The following HNF1A variants were observed in gnomAD, a reference collection of about 807,000 sequenced individuals.
HNF1A encodes hepatocyte nuclear factor 1-alpha.
A neutral mutation model predicts 62.2 loss-of-function variants in HNF1A; 21 were observed. The observed-to-expected ratio is 0.34, with a 90% CI of 0.24 to 0.49. HNF1A has a LOEUF of 0.49. Among genes scored for constraint, HNF1A ranks in the 20% least tolerant of loss-of-function variants. The pLI, the probability that HNF1A is intolerant of heterozygous loss-of-function variation, is 0.99. For synonymous variants in HNF1A, 374 were observed against 366.8 expected, an observed-to-expected ratio of 1.02 and a Z score of -0.22; for missense variants, 687 against 832.3, an observed-to-expected ratio of 0.83 and a Z score of 2.15.
chr12:120,987,430 G>A (rs1469300779), intron 1 of HNF1A, among the ~76,000 whole-genome samples: 3 of 146,916 alleles, frequency 2.0e-5, no homozygotes, highest in East Asian at 2.0e-4. Context: ...AGCCGAGATC[G>A]CGCCACTGCA....
intron 2 of HNF1A, among the ~76,000 whole-genome samples, chr12:120,992,456 G>A (rs944929200): frequency 1.3e-5 from 2 of 152,012 alleles, no homozygotes; most frequent in Non-Finnish European, 1.5e-5. Flanking sequence ...TTGAACTTCC[G>A]GGCTCAAGTG....
Position 120,993,501 on chromosome 12 carries a change from C to A in HNF1A, c.527-19C>A. The A allele has an allele frequency of 2.5e-6, 4 of 1,613,252 alleles. No homozygotes were observed. Among genetic ancestry groups the A allele is most frequent in the Non-Finnish European group, 3.4e-6 (4 of 1,179,724 alleles). On this transcript the variant is annotated intron_variant, in intron 2 of 9. Transcript: ENST00000257555. ...GTGAGAGTGGCCAGTACCCCACTCA[C>A]GGCTTTCTGTGCCTGCAGAGTTCAC...
intron 1 of HNF1A, among the ~76,000 whole-genome samples, chr12:120,981,469 G>C (rs1013095104): frequency 5.9e-5 from 9 of 152,126 alleles, no homozygotes; most frequent in African/African-American, 2.2e-4. Context: ...CCCTGCCTTG[G>C]TTTCGTTCCC....
intron 2 of HNF1A, among the ~76,000 whole-genome samples, 156 bp downstream of exon 2, chr12:120,989,188 C>T (rs533787226): frequency 2.6e-5 from 4 of 152,318 alleles, no homozygotes; most frequent in East Asian, 3.9e-4. Context: ...ACCTATTCTG[C>T]GCCAGGCACT....
chr12:121,002,016 C>T lies in HNF1A; in HGVS notation c.*824C>T, dbSNP rs1380966082. ...TTACTCCTGTGGGAGCCTCGCAACC[C>T]GTGCCAAGTCCAGGTCCTGGTGGGG... On this transcript the variant is annotated 3_prime_UTR_variant, in exon 10 of 10. Transcript: ENST00000257555. 4.3e-5 allele frequency: 23 copies of T among 536,702 alleles called. 1 individual carries two copies. Among genetic ancestry groups the T allele is most frequent in the South Asian group, 3.1e-4 (20 of 65,256 alleles). The allele number at this position is 536,702 out of a possible 1,614,324, so 33.2% of individuals were successfully genotyped here. A position where few individuals can be genotyped will look rare whatever the true frequency, so the allele number is the denominator to read the frequency against.
In HNF1A at chr12:120,996,143, T is replaced by C; in HGVS notation, c.956-119T>C. 8.0e-7 allele frequency: 1 copy of C among 1,251,720 alleles called. No homozygotes were observed. The highest frequency in any genetic ancestry group is 1.1e-6 in the Non-Finnish European group (1 of 874,510). The allele number at this position is 1,251,720 out of a possible 1,614,324, so 77.5% of individuals were successfully genotyped here. A position where few individuals can be genotyped will look rare whatever the true frequency, so the allele number is the denominator to read the frequency against. ...AACAAAGGCAGATTTGCTGGCTGCA[T>C]AAAGGCAGACAGGCAGCTGGCCTAA... On this transcript the variant is annotated intron_variant, in intron 4 of 9. Transcript: ENST00000257555. This position sits in a 1 kb window ranked among gnomAD's most constrained non-coding sequence, Gnocchi z 4.5.
intron 2 of HNF1A, among the ~76,000 whole-genome samples, chr12:120,991,270 CA>C (rs1174535043): frequency 6.6e-6 from 1 of 152,076 alleles, no homozygotes; most frequent in Non-Finnish European, 1.5e-5. Context: ...TGTACACTTC[CA>C]CCAGCAGTAA....
rs1398585336 is a variant in HNF1A at position 121,001,204 on chromosome 12, G to T, written c.*12G>T. 1.2e-6 allele frequency: 2 copies of T among 1,613,692 alleles called. No homozygotes were observed. The highest frequency in any genetic ancestry group is 2.2e-5 in the South Asian group (2 of 91,044). ...CTTCCTCCCAGTAACCACGGCACCTGGGCCCTGGGGCCTGTACTGCCTGCT... is the reference window on the plus strand; with the variant it reads ...CTTCCTCCCAGTAACCACGGCACCTTGGCCCTGGGGCCTGTACTGCCTGCT... On this transcript the variant is annotated 3_prime_UTR_variant, in exon 10 of 10. Coordinates refer to ENST00000257555, the MANE Select transcript of HNF1A (RefSeq NM_000545.8).
Position 120,978,810 on chromosome 12 carries a change from G to A in HNF1A, c.42G>A (p.Ala14=), listed in dbSNP as rs775391034. 1.0e-4 allele frequency: 164 copies of A among 1,612,982 alleles called. No individual in the cohort carries two copies. The highest frequency in any genetic ancestry group is 1.6e-4 in the African/African-American group (12 of 74,916). Residue 14 remains alanine (A), a synonymous_variant, in exon 1 of 10, where the codon GCG becomes GCA. Coordinates refer to ENST00000257555, the MANE Select transcript of HNF1A (RefSeq NM_000545.8). ...GCCAGCTGCAGACGGAGCTCCTGGC[G>A]GCCCTGCTCGAGTCAGGGCTGAGCA... ...KLSQLQTELL[A]ALLESGLSKE... is the part of the protein sequence containing the mutation.
chr12:120,983,916 C>G (rs981042271), intron 1 of HNF1A, among the ~76,000 whole-genome samples: 39 of 137,364 alleles, frequency 2.8e-4, no homozygotes, highest in African/African-American at 8.8e-4. Flanking sequence ...CTTGAAGACT[C>G]TGTGTGTGTG....
Position 120,999,408 on chromosome 12 carries a change from G to A in HNF1A, c.1623+19G>A. The A allele has an allele frequency of 6.2e-7, 1 of 1,613,784 alleles. No homozygotes were observed. Among genetic ancestry groups the A allele is most frequent in the Non-Finnish European group, 8.5e-7 (1 of 1,179,930 alleles). ...CAAGCAGGTAAGGTCCAGGCCTGCT[G>A]GCCCTCCCTTGGCCTGTGACAGAGC... On this transcript the variant is annotated intron_variant, in intron 8 of 9. Coordinates refer to ENST00000257555, the MANE Select transcript of HNF1A (RefSeq NM_000545.8).
At chr12:120,989,892 C>T (rs927124370) in intron 2 of HNF1A, among the ~76,000 whole-genome samples, 11 of 151,978 alleles carry the variant, frequency 7.2e-5, no homozygotes, top group East Asian at 5.8e-4. Context: ...CCCATGGAGA[C>T]GCAGGGAAGG....
intron 1 of HNF1A, among the ~76,000 whole-genome samples, chr12:120,985,552 G>T (rs887513419): frequency 6.6e-6 from 1 of 151,556 alleles, no homozygotes; most frequent in African/African-American, 2.4e-5. Context: ...TGTGCCTGTG[G>T]TCCCAAGTAC....
chr12:120,999,444 C>T (rs775625088), intron 8 of HNF1A, 39 bp from the exon 9 acceptor site: 4 of 1,613,848 alleles, frequency 2.5e-6, no homozygotes, highest in African/African-American at 1.3e-5. Flanking sequence ...CCCTCACCCC[C>T]ACATCCCCCG....
At chr12:120,997,999 G>A (rs1414595943) in intron 7 of HNF1A, 1 of 589,004 alleles carries the variant, frequency 1.7e-6, no homozygotes, top group Non-Finnish European at 3.1e-6. Flanking sequence ...GTAATCTGGG[G>A]CCAGGCGTGG....
rs1254713599 is a variant in HNF1A, at chr12:120,996,303, G to A, written c.997G>A (p.Val333Ile). The part of the protein sequence containing the change: ...GQPATSETAE[V>I]PSSSGGPLVT... Reference sequence around the variant, plus strand: ...GCCTGCGACCAGTGAGACTGCAGAAGTACCCTCAAGCAGCGGCGGTCCCTT... The same window carrying A: ...GCCTGCGACCAGTGAGACTGCAGAAATACCCTCAAGCAGCGGCGGTCCCTT... Residue 333 changes from valine (V) to isoleucine (I), a missense_variant, in exon 5 of 10, where the codon GTA becomes ATA. This residue lies in a region of HNF1A where 408 missense variants were observed against 455.3 expected (regional missense o/e 0.90). Transcript: ENST00000257555. The surrounding 1 kb of genome is among the most constrained non-coding windows in gnomAD (Gnocchi z 4.5). 3 of 1,614,054 alleles carry A rather than the reference G, an allele frequency of 1.9e-6. No individual in the cohort carries two copies. Among genetic ancestry groups the A allele is most frequent in the Non-Finnish European group, 2.5e-6 (3 of 1,180,044 alleles).
intron 7 of HNF1A, 152 bp from the exon 8 acceptor site, chr12:120,999,116 C>A (rs2135850187): frequency 1.1e-6 from 1 of 886,284 alleles, no homozygotes; most frequent in Non-Finnish European, 1.8e-6. Flanking sequence ...TTATCTGGAG[C>A]CTCCAGTTTT....
intron 7 of HNF1A, 78 bp downstream of exon 7, chr12:120,997,743 TG>T (rs1565887289): frequency 7.1e-7 from 1 of 1,415,354 alleles, no homozygotes; most frequent in Non-Finnish European, 9.8e-7. Context: ...AAGGGGTGCC[TG>T]GCAGGCATTG....
intron 1 of HNF1A, among the ~76,000 whole-genome samples, chr12:120,982,216 T>C (rs960324191): frequency 1.3e-5 from 2 of 152,186 alleles, no homozygotes; most frequent in East Asian, 3.9e-4. Context: ...ATTACAGGCA[T>C]GCACCACCAC....
Sources: allele counts gnomAD v4.1 joint callset (sites outside exome capture counted in the v4.1 genomes callset), GRCh38; gene constraint gnomAD v4.1.1; regional missense constraint gnomAD v4.1.1; non-coding constraint Gnocchi (gnomAD v3.1); transcripts MANE v1.5; gene names NCBI Gene and HGNC (gene_info 2026-07-23, HGNC 2026-07-21).